Variants in UBE2F observed in about 807,000 individuals in gnomAD.
UBE2F encodes ubiquitin conjugating enzyme E2 F (putative), also known as NEDD8-conjugating enzyme UBE2F.
In UBE2F, 5 loss-of-function variants were observed where a neutral mutation model predicts 29.6. The observed-to-expected ratio is 0.17, with a 90% CI of 0.09 to 0.36. The LOEUF is 0.36. UBE2F is among the 10% of genes least tolerant of loss of function. UBE2F has a pLI of 1.00. For missense variants in UBE2F, 141 were observed against 228.5 expected (o/e 0.62, Z 2.47); for synonymous variants, 66 against 81.8 (o/e 0.81, Z 1.04).
At chr2:238,022,091 TTTG>T (rs901583658) in intron 5 of UBE2F, among the ~76,000 whole-genome samples, 103 of 152,318 alleles carry the variant, frequency 6.8e-4, no homozygotes, top group African/African-American at 2.4e-3. Context: ...TATTTGCCTT[TTTG>T]TTGTTGTTGT....
At chr2:237,981,889 A>G (rs1348611173) in intron 2 of UBE2F, among the ~76,000 whole-genome samples, 1 of 151,990 alleles carries the variant, frequency 6.6e-6, no homozygotes, top group African/African-American at 2.4e-5. Flanking sequence ...AGCCTCCCAA[A>G]GTGCTGGAAT....
intron 1 of UBE2F, among the ~76,000 whole-genome samples, chr2:237,971,988 G>A (rs1260421332): frequency 2.0e-5 from 3 of 152,138 alleles, no homozygotes; most frequent in East Asian, 1.9e-4. Context: ...TTCTTCAACC[G>A]TCTCCCAGAT....
intron 3 of UBE2F, among the ~76,000 whole-genome samples, 188 bp from the exon 4 acceptor site, chr2:237,994,556 C>T (rs1229510859): frequency 6.6e-6 from 1 of 152,208 alleles, no homozygotes; most frequent in East Asian, 1.9e-4. Context: ...TGACAAAAAC[C>T]ACTGGTTTGC....
intron 9 of UBE2F, among the ~76,000 whole-genome samples, chr2:238,038,173 G>A (rs2064760431): frequency 6.6e-6 from 1 of 152,236 alleles, no homozygotes; most frequent in Admixed American, 6.5e-5. Context: ...CAAGTGGCAG[G>A]CATGGTGGGC....
intron 3 of UBE2F, chr2:237,990,405 T>C (rs764841362): frequency 7.5e-6 from 2 of 268,202 alleles, no homozygotes; most frequent in Non-Finnish European, 1.5e-5. Flanking sequence ...ATGTAAACCT[T>C]TTTTTTTTTT....
chr2:238,030,449 A>C (rs1559227446), intron 6 of UBE2F, 107 bp from the exon 7 acceptor site: 1 of 742,294 alleles, frequency 1.3e-6, no homozygotes, highest in Non-Finnish European at 2.3e-6. Flanking sequence ...AGATGGGTTT[A>C]ATAAAAAGTA....
At position 238,042,129 on chromosome 2, in the gene UBE2F, G is replaced by A. The variant is rs2064845834; in HGVS notation, c.*791G>A. ...GCTCTTGCTTTCGGGTCCGGATGTG[G>A]TGAGCACATTTTGGAGCCCTTTGAA... On this transcript the variant is annotated 3_prime_UTR_variant, in exon 10 of 10. Transcript: ENST00000272930. The A allele has an allele frequency of 6.6e-6, 1 of 152,386 alleles. No individual in the cohort carries two copies. The highest frequency in any genetic ancestry group is 2.1e-4 in the South Asian group (1 of 4,830). 9.4% of individuals were successfully genotyped at this position (152,386 alleles called of 1,614,324 possible).
chr2:237,995,125 G>T (rs987884105), intron 4 of UBE2F, among the ~76,000 whole-genome samples: 1 of 152,168 alleles, frequency 6.6e-6, no homozygotes, highest in Non-Finnish European at 1.5e-5. Flanking sequence ...TTTCCCTTAC[G>T]TAGGAATAGT....
chr2:237,979,182 G>A (rs1341544597), intron 2 of UBE2F, among the ~76,000 whole-genome samples: 2 of 152,222 alleles, frequency 1.3e-5, no homozygotes, highest in Admixed American at 6.5e-5. Context: ...GGTTGATTCT[G>A]TGCGTACCCC....
At chr2:237,995,973 A>G (rs2106354597) in intron 4 of UBE2F, among the ~76,000 whole-genome samples, 1 of 152,294 alleles carries the variant, frequency 6.6e-6, no homozygotes, top group Admixed American at 6.5e-5. Flanking sequence ...CAAATAGAAC[A>G]CCATCATTAG....
chr2:237,981,848 A>G (rs2063384098), intron 2 of UBE2F, among the ~76,000 whole-genome samples: 1 of 151,782 alleles, frequency 6.6e-6, no homozygotes, highest in African/African-American at 2.4e-5. Context: ...GCTGGTCTCA[A>G]ACTCCTGAGC....
intron 4 of UBE2F, among the ~76,000 whole-genome samples, chr2:237,996,973 G>A (rs767132003): frequency 1.3e-5 from 2 of 152,102 alleles, no homozygotes; most frequent in Admixed American, 1.3e-4. Flanking sequence ...TGTAATTCCC[G>A]CACTTTGGGA....
intron 4 of UBE2F, among the ~76,000 whole-genome samples, chr2:237,997,486 TA>T (rs892352627): frequency 4.6e-4 from 70 of 152,216 alleles, no homozygotes; most frequent in African/African-American, 1.7e-3. Flanking sequence ...TCATGGTTTT[TA>T]AAAAAAATTT....
intron 3 of UBE2F, among the ~76,000 whole-genome samples, chr2:237,988,615 TAAAAAA>T (rs35898026): frequency 7.8e-6 from 1 of 128,076 alleles, no homozygotes; most frequent in Non-Finnish European, 1.7e-5. Flanking sequence ...GACTCTGTCT[TAAAAAA>T]AAAAAAAAAA....
intron 4 of UBE2F, 155 bp from the exon 5 acceptor site, chr2:238,016,411 G>A (rs574913408): frequency 1.6e-6 from 1 of 614,600 alleles, no homozygotes; most frequent in Non-Finnish European, 2.8e-6. Flanking sequence ...CCACCAGTGT[G>A]TGTGCATTTG....
intron 4 of UBE2F, among the ~76,000 whole-genome samples, chr2:238,010,294 C>T (rs1260222179): frequency 6.6e-6 from 1 of 151,972 alleles, no homozygotes; most frequent in Non-Finnish European, 1.5e-5. Context: ...CTGCCTCAGC[C>T]TCCCAAGTAG....
chr2:237,969,384 T>C (rs1420370441), intron 1 of UBE2F, among the ~76,000 whole-genome samples: 1 of 152,182 alleles, frequency 6.6e-6, no homozygotes, highest in Non-Finnish European at 1.5e-5. Context: ...TGAGCCTCCT[T>C]CAGGGAGCTG....
rs373030684 is a variant in UBE2F, at chr2:237,988,665, A to G, written c.148+673A>G. 3.4e-4 allele frequency among the ~76,000 whole-genome samples: 51 copies of G among 151,356 alleles called. 1 individual carries two copies. The Middle Eastern group carries it at 0.01, about 31-fold the overall frequency. Reference sequence around the variant, plus strand: ...AGGTTCTGCCACCTTTCTGAGTGCTATCTCTCCTTAGCATAGCAGAGGTGC... The same window carrying G: ...AGGTTCTGCCACCTTTCTGAGTGCTGTCTCTCCTTAGCATAGCAGAGGTGC... On this transcript the variant is annotated intron_variant, in intron 3 of 9. Transcript: ENST00000272930.
chr2:237,968,493 G>A (rs779311933), intron 1 of UBE2F, among the ~76,000 whole-genome samples: 79 of 152,114 alleles, frequency 5.2e-4, no homozygotes, highest in African/African-American at 4.1e-4. Flanking sequence ...CTAGTGACCC[G>A]CAGTCCCATC....
Sources: allele counts gnomAD v4.1 joint callset (sites outside exome capture counted in the v4.1 genomes callset), GRCh38; gene constraint gnomAD v4.1.1; transcripts MANE v1.5; gene names NCBI Gene and HGNC (gene_info 2026-07-23, HGNC 2026-07-21).